The following ATG13 variants were observed in gnomAD, a reference collection of about 807,000 sequenced individuals.
The protein encoded by ATG13 is autophagy related 13.
ATG13 carries 23 observed loss-of-function variants against 65.5 expected under a neutral mutation model. The ratio of observed to expected loss-of-function variants is 0.35; its 90% CI spans 0.25 to 0.50. The LOEUF (loss-of-function observed/expected upper bound fraction) is 0.50. Among genes scored for constraint, ATG13 ranks in the 20% least tolerant of loss-of-function variants. ATG13 has a pLI of 0.98. For synonymous variants in ATG13, 252 were observed against 245.2 expected (o/e 1.03, Z -0.26); for missense variants, 566 against 677.0 (o/e 0.84, Z 1.82).
chr11:46,670,498 G>A (rs4485065), intron 18 of ATG13, among the ~76,000 whole-genome samples: 67 of 127,044 alleles, frequency 5.3e-4, no homozygotes, highest in African/African-American at 2.6e-3. Flanking sequence ...AAAAAAAAAA[G>A]TAATAATTAC....
At position 46,672,367 on chromosome 11, in the gene ATG13, G is replaced by A. The variant is rs772956800; in HGVS notation, c.*35G>A. 3.9e-5 allele frequency: 63 copies of A among 1,613,822 alleles called. No homozygotes were observed. Among genetic ancestry groups the A allele is most frequent in the Non-Finnish European group, 5.2e-5 (61 of 1,179,876 alleles). On this transcript the variant is annotated 3_prime_UTR_variant, in exon 19 of 19. Transcript: ENST00000683050. The stretch of plus-strand genomic sequence containing the variant: ...TGAGTCCCAGCAGCACCCCCTTTTT[G>A]TGGCCCCAGGGCATAAGCAGCCTCC...
Position 46,665,454 on chromosome 11 carries a change from C to G in ATG13, c.1071C>G (p.Asp357Glu), listed in dbSNP as rs1055539215. The change falls in exon 14 of 19, where the codon GAC becomes GAG. Residue 357 changes from aspartate to glutamate, a missense_variant. Physicochemically the swap from Asp to Glu is conservative, Grantham distance 45. Coordinates refer to ENST00000683050, the MANE Select transcript of ATG13 (RefSeq NM_001346311.2). ...PNQPVHGTQA[D>E]QERLATCTPS... The stretch of plus-strand genomic sequence containing the variant: ...AGCCTGTCCATGGTACCCAGGCTGA[C>G]CAGGAGAGACTGGCAACCTGCACCC... 5.0e-6 allele frequency: 8 copies of G among 1,614,218 alleles called. No homozygotes were observed. The highest frequency in any genetic ancestry group is 1.3e-5 in the African/African-American group (1 of 75,068).
intron 2 of ATG13, among the ~76,000 whole-genome samples, chr11:46,634,314 G>A (rs1431269651): frequency 6.6e-6 from 1 of 151,758 alleles, no homozygotes; most frequent in African/African-American, 2.4e-5. Flanking sequence ...TGGCCAGGAT[G>A]GTCGCGATCT....
rs933709567 is a variant in ATG13, at chr11:46,672,578, C to T, written c.*246C>T. ...CTTGGAGATGGGAAGAACCTTCGTA[C>T]GAAAAAGCCCTCAGCAGGGCCATCT... On this transcript the variant is annotated 3_prime_UTR_variant, in exon 19 of 19. Transcript: ENST00000683050. 1.7e-5 allele frequency: 24 copies of T among 1,419,532 alleles called. No individual in the cohort carries two copies. The highest frequency in any genetic ancestry group is 6.4e-5 in the South Asian group (5 of 78,488). 87.9% of individuals were successfully genotyped at this position (1,419,532 alleles called of 1,614,324 possible).
At chr11:46,663,456 T>C (rs2061606981) in intron 11 of ATG13, among the ~76,000 whole-genome samples, 1 of 152,078 alleles carries the variant, frequency 6.6e-6, no homozygotes, top group African/African-American at 2.4e-5. Flanking sequence ...CACCCACTTG[T>C]CTTCCCTGGA....
At chr11:46,659,263 T>C (rs867532675) in intron 10 of ATG13, 129 bp from the exon 11 acceptor site, 13 of 666,162 alleles carry the variant, frequency 2.0e-5, no homozygotes, top group Middle Eastern at 4.1e-4. Context: ...CACATGCCTT[T>C]CTTGCCAGTA....
chr11:46,637,962 C>A (rs913900874), intron 2 of ATG13, among the ~76,000 whole-genome samples: 1 of 152,074 alleles, frequency 6.6e-6, no homozygotes, highest in African/African-American at 2.4e-5. Flanking sequence ...TAAGTCCTAG[C>A]TCTTTTGGGC....
intron 2 of ATG13, among the ~76,000 whole-genome samples, chr11:46,633,015 T>C (rs1457676526): frequency 9.9e-6 from 1 of 101,370 alleles, no homozygotes; most frequent in African/African-American, 5.7e-5. Flanking sequence ...TATATATATA[T>C]ATATATATAT....
chr11:46,665,659 C>T (rs1211542748), intron 14 of ATG13, 140 bp downstream of exon 14: 16 of 1,227,618 alleles, frequency 1.3e-5, no homozygotes, highest in East Asian at 1.0e-4. Context: ...AGCATGGACT[C>T]CTAGCTGGGA....
At chr11:46,657,696 C>G (rs1376207175) in intron 10 of ATG13, 74 bp downstream of exon 10, 1 of 1,328,538 alleles carries the variant, frequency 7.5e-7, no homozygotes, top group South Asian at 1.4e-5. Context: ...GCACATGGAA[C>G]ACTTTTCTCA....
At chr11:46,668,292 A>AC (rs760677153) in intron 15 of ATG13, among the ~76,000 whole-genome samples, 1 of 152,192 alleles carries the variant, frequency 6.6e-6, no homozygotes, top group Non-Finnish European at 1.5e-5. Flanking sequence ...CAGGACCCCA[A>AC]CCCTTGTTTA....
chr11:46,648,464 G>A (rs1253302574), intron 5 of ATG13, among the ~76,000 whole-genome samples: 3 of 151,576 alleles, frequency 2.0e-5, no homozygotes, highest in Non-Finnish European at 4.4e-5. Context: ...CTAAGATGAA[G>A]ATACCCCCAA....
At position 46,672,340 on chromosome 11, in the gene ATG13, C is replaced by T. The variant is rs769071044; in HGVS notation, c.*8C>T. On this transcript the variant is annotated 3_prime_UTR_variant, in exon 19 of 19. Transcript: ENST00000683050. Reference sequence around the variant, plus strand: ...GTGGAAACCCTGCAGTAAAAGTATCCTTGAGTCCCAGCAGCACCCCCTTTT... The same window carrying T: ...GTGGAAACCCTGCAGTAAAAGTATCTTTGAGTCCCAGCAGCACCCCCTTTT... The T allele has an allele frequency of 5.0e-6, 8 of 1,614,086 alleles. No homozygotes were observed. The highest frequency in any genetic ancestry group is 6.8e-6 in the Non-Finnish European group (8 of 1,180,022).
At position 46,669,165 on chromosome 11, in the gene ATG13, G is replaced by C. The variant is rs115742858; in HGVS notation, c.1447-239G>C. ...GAGATTTTCCACTGATACCCACTTA[G>C]GTCCTATTCGTGGCTAGGCAAGGAG... On this transcript the variant is annotated intron_variant, in intron 17 of 18. Coordinates refer to ENST00000683050, the MANE Select transcript of ATG13 (RefSeq NM_001346311.2). Among the ~76,000 whole-genome samples the C allele has an allele frequency of 9.3e-3, 1,416 of 152,248 alleles. 23 individuals are homozygous for C. Among genetic ancestry groups the C allele is most frequent in the African/African-American group, 0.033 (1,361 of 41,548 alleles).
At chr11:46,636,485 G>A (rs900327178) in intron 2 of ATG13, among the ~76,000 whole-genome samples, 1 of 141,988 alleles carries the variant, frequency 7.0e-6, no homozygotes, top group Middle Eastern at 3.8e-3. Context: ...GTGAACCCAG[G>A]AAGCGGAGCT....
At chr11:46,624,107 C>T (rs1393036292) in intron 1 of ATG13, among the ~76,000 whole-genome samples, 1 of 151,608 alleles carries the variant, frequency 6.6e-6, no homozygotes, top group Non-Finnish European at 1.5e-5. Flanking sequence ...TGGGTTCAAA[C>T]GATTCTCCTG....
chr11:46,619,124 T>C (rs533669578), intron 1 of ATG13, among the ~76,000 whole-genome samples: 19 of 152,030 alleles, frequency 1.2e-4, no homozygotes, highest in African/African-American at 4.3e-4. Context: ...TGGAGGAGAG[T>C]GCATAGAGTT....
chr11:46,644,856 T>C (rs950755406), intron 3 of ATG13, among the ~76,000 whole-genome samples: 2 of 152,248 alleles, frequency 1.3e-5, no homozygotes, highest in Non-Finnish European at 2.9e-5. Flanking sequence ...CTCTCAACCA[T>C]TGCCATGCTA....
In ATG13 at chr11:46,672,890, A is replaced by C; in HGVS notation, c.*558A>C. The C allele has an allele frequency of 9.8e-7, 1 of 1,021,652 alleles. No homozygotes were observed. The highest frequency in any genetic ancestry group is 1.3e-6 in the Non-Finnish European group (1 of 788,324). The allele number at this position is 1,021,652 out of a possible 1,614,324, so 63.3% of individuals were successfully genotyped here. A position where few individuals can be genotyped will look rare whatever the true frequency, so the allele number is the denominator to read the frequency against. ...TTCTCTCTCTTGCCTCTATGCCTGTATTTCTGGCAATATGACAGGCCTGCC... is the reference window on the plus strand; with the variant it reads ...TTCTCTCTCTTGCCTCTATGCCTGTCTTTCTGGCAATATGACAGGCCTGCC... On this transcript the variant is annotated 3_prime_UTR_variant, in exon 19 of 19. Transcript: ENST00000683050.
Sources: allele counts gnomAD v4.1 joint callset (sites outside exome capture counted in the v4.1 genomes callset), GRCh38; gene constraint gnomAD v4.1.1; transcripts MANE v1.5; gene names NCBI Gene and HGNC (gene_info 2026-07-23, HGNC 2026-07-21).